The following CNTN5 variants were observed in gnomAD, a reference collection of about 807,000 sequenced individuals.
The protein encoded by CNTN5 is contactin-5.
CNTN5 carries 77 observed loss-of-function variants against 129.1 expected under a neutral mutation model. The ratio of observed to expected loss-of-function variants is 0.60; its 90% CI spans 0.50 to 0.72. CNTN5 has a LOEUF of 0.72. Among genes scored for constraint, CNTN5 ranks in the 30% least tolerant of loss-of-function variants. The pLI is 0.00. For missense variants in CNTN5, 1,478 were observed against 1,328.8 expected (o/e 1.11, Z -1.75); for synonymous variants, 509 against 465.6 (o/e 1.09, Z -1.20).
intron 15 of CNTN5, among the ~76,000 whole-genome samples, chr11:100,213,708 G>A (rs184548464): frequency 6.6e-6 from 1 of 152,208 alleles, no homozygotes; most frequent in African/African-American, 2.4e-5. Flanking sequence ...CTATTTGAAT[G>A]TTCATTGGAA....
chr11:99,222,378 A>T (rs1860442500), intron 1 of CNTN5, among the ~76,000 whole-genome samples: 1 of 151,664 alleles, frequency 6.6e-6, no homozygotes, highest in Non-Finnish European at 1.5e-5. Context: ...AAAATGTATT[A>T]ACTCATGAAT....
intron 3 of CNTN5, among the ~76,000 whole-genome samples, chr11:99,598,231 C>T (rs1312772050): frequency 1.1e-5 from 1 of 87,440 alleles, no homozygotes; most frequent in African/African-American, 4.2e-5. Flanking sequence ...TCCTTCCTCC[C>T]TTCTTTCCTT....
intron 2 of CNTN5, among the ~76,000 whole-genome samples, chr11:99,498,854 A>G (rs971323930): frequency 5.9e-5 from 9 of 152,146 alleles, no homozygotes; most frequent in African/African-American, 2.2e-4. Context: ...ATCCAAAACC[A>G]TTGCAGCCAT....
intron 13 of CNTN5, among the ~76,000 whole-genome samples, chr11:100,158,474 A>G (rs910225690): frequency 6.6e-6 from 1 of 151,948 alleles, no homozygotes; most frequent in Non-Finnish European, 1.5e-5. Context: ...TACTTTGAAT[A>G]TATACCATTT....
chr11:99,167,926 T>G (rs1029395704), intron 1 of CNTN5, among the ~76,000 whole-genome samples: 4 of 151,348 alleles, frequency 2.6e-5, no homozygotes, highest in Non-Finnish European at 4.4e-5. Flanking sequence ...TTTTAAAAAT[T>G]TATTCTTATA....
intron 2 of CNTN5, 85 bp from the exon 3 acceptor site, chr11:99,556,060 G>A (rs1194344605): frequency 2.3e-6 from 1 of 436,882 alleles, no homozygotes; most frequent in Non-Finnish European, 4.2e-6. Context: ...ATGTTATTAG[G>A]AGATTTTTGC....
intron 2 of CNTN5, among the ~76,000 whole-genome samples, chr11:99,448,174 G>C (rs1017173033): frequency 2.0e-4 from 31 of 152,210 alleles, no homozygotes; most frequent in African/African-American, 6.0e-4. Context: ...GGATAAGAGG[G>C]CTTTCAAAAG....
intron 13 of CNTN5, among the ~76,000 whole-genome samples, chr11:100,175,763 C>T (rs1423975406): frequency 6.6e-6 from 1 of 152,058 alleles, no homozygotes; most frequent in Admixed American, 6.6e-5. Flanking sequence ...TCAACTCACA[C>T]AGTGGTTAGA....
intron 1 of CNTN5, among the ~76,000 whole-genome samples, chr11:99,167,488 G>T (rs1160946182): frequency 6.6e-6 from 1 of 152,080 alleles, no homozygotes; most frequent in Non-Finnish European, 1.5e-5. Flanking sequence ...TGCAGCTACA[G>T]AATATATCAT....
At chr11:99,775,664 ATC>A (rs1945098455) in intron 3 of CNTN5, among the ~76,000 whole-genome samples, 1 of 152,004 alleles carries the variant, frequency 6.6e-6, no homozygotes, top group Non-Finnish European at 1.5e-5. Flanking sequence ...GTATTAGATA[ATC>A]TCTGTATCAC....
chr11:99,037,991 A>AT (rs1446646603), intron 1 of CNTN5, among the ~76,000 whole-genome samples: 1 of 152,220 alleles, frequency 6.6e-6, no homozygotes, highest in African/African-American at 2.4e-5. Flanking sequence ...TATTTAATTA[A>AT]TTTTTTATTA....
intron 13 of CNTN5, among the ~76,000 whole-genome samples, chr11:100,119,937 A>G (rs1311724716): frequency 6.6e-6 from 1 of 151,988 alleles, no homozygotes; most frequent in East Asian, 1.9e-4. Context: ...CTTTCTTTAC[A>G]AAACAAAAAT....
intron 2 of CNTN5, among the ~76,000 whole-genome samples, chr11:99,470,160 T>G (rs560416263): frequency 6.6e-6 from 1 of 152,208 alleles, no homozygotes; most frequent in Non-Finnish European, 1.5e-5. Context: ...TCATTCTTGC[T>G]TTAGTTATGA....
chr11:99,977,754 A>G (rs943827202), intron 8 of CNTN5, among the ~76,000 whole-genome samples: 1 of 152,198 alleles, frequency 6.6e-6, no homozygotes, highest in Non-Finnish European at 1.5e-5. Context: ...ACATATGGGG[A>G]TTATAATTCA....
chr11:99,922,860 A>G (rs1426905567), intron 7 of CNTN5, among the ~76,000 whole-genome samples: 2 of 152,200 alleles, frequency 1.3e-5, no homozygotes, highest in African/African-American at 4.8e-5. Context: ...TGCAGATTCT[A>G]ACAGTTGAGT....
chr11:99,712,125 C>T (rs1347396204), intron 3 of CNTN5, among the ~76,000 whole-genome samples: 7 of 152,118 alleles, frequency 4.6e-5, no homozygotes, highest in East Asian at 3.9e-4. Context: ...TATTTCTCCA[C>T]GTCCTCTCCA....
chr11:99,121,467 A>G lies in CNTN5; in HGVS notation c.-210+100197A>G, dbSNP rs1336669015. Among the ~76,000 whole-genome samples, 3 of 152,164 alleles carry G rather than the reference A, an allele frequency of 2.0e-5. No homozygotes were observed. In the East Asian group the frequency reaches 5.8e-4, roughly 29 times the overall value. On this transcript the variant is annotated intron_variant, in intron 1 of 24. Transcript: ENST00000524871. ...TATTCTTTCATTCCCTGTACAAAACAACACAAAGACACATCCTGCCACTGA... is the reference window on the plus strand; with the variant it reads ...TATTCTTTCATTCCCTGTACAAAACGACACAAAGACACATCCTGCCACTGA...
chr11:100,087,267 T>G (rs1944589674), intron 13 of CNTN5, among the ~76,000 whole-genome samples: 1 of 151,826 alleles, frequency 6.6e-6, no homozygotes, highest in Non-Finnish European at 1.5e-5. Context: ...TAAAAAATGA[T>G]ATTTCAAATT....
intron 1 of CNTN5, among the ~76,000 whole-genome samples, chr11:99,249,326 G>A (rs1341898040): frequency 6.6e-6 from 1 of 152,050 alleles, no homozygotes; most frequent in Admixed American, 6.6e-5. Flanking sequence ...TGTATCCTGA[G>A]ACTTTGCTGA....
Sources: gnomAD v4.1 joint callset for allele counts (sites outside exome capture counted in the v4.1 genomes callset) on GRCh38, gnomAD v4.1.1 for gene constraint, MANE v1.5 for transcripts, NCBI Gene and HGNC (gene_info 2026-07-23, HGNC 2026-07-21) for gene names.